ACOXL: variants seen among roughly 807,000 people sequenced by gnomAD.
ACOXL encodes the protein acyl-CoA oxidase like, also known as acyl-coenzyme A oxidase-like protein.
ACOXL carries 70 observed loss-of-function variants against 71.9 expected under a neutral mutation model. The observed-to-expected ratio is 0.97, with a 90% CI of 0.80 to 1.19. The LOEUF is 1.19. Ranked by LOEUF, ACOXL falls within the 50% of genes most tolerant of loss-of-function variation. The pLI is 0.00. For missense variants in ACOXL, 703 were observed against 736.3 expected (o/e 0.95, Z 0.52); for synonymous variants, 253 against 281.6 (o/e 0.90, Z 1.02).
chr2:110,744,671 A>G (rs1677974908), intron 1 of ACOXL, among the ~76,000 whole-genome samples: 2 of 152,232 alleles, frequency 1.3e-5, no homozygotes, highest in South Asian at 2.1e-4. Context: ...CCATTCAGGC[A>G]TAGCCACCGT....
chr2:110,957,844 G>A (rs1256649309), intron 12 of ACOXL, among the ~76,000 whole-genome samples: 1 of 151,964 alleles, frequency 6.6e-6, no homozygotes, highest in African/African-American at 2.4e-5. Flanking sequence ...ATCACCTGAG[G>A]TGAGGAGTTC....
chr2:110,804,825 G>A (rs1307117346), intron 8 of ACOXL, among the ~76,000 whole-genome samples: 2 of 152,124 alleles, frequency 1.3e-5, no homozygotes, highest in Non-Finnish European at 2.9e-5. Flanking sequence ...CCAGGGACTG[G>A]AGGGAGGGGA....
At chr2:111,112,950 G>C (rs1198303064) in intron 17 of ACOXL, 3 of 152,214 alleles carry the variant, frequency 2.0e-5, no homozygotes, top group African/African-American at 4.8e-5. Context: ...CAACATCATA[G>C]AGTACTCCTG....
At chr2:110,862,102 G>A (rs555901619) in intron 10 of ACOXL, among the ~76,000 whole-genome samples, 13 of 152,222 alleles carry the variant, frequency 8.5e-5, no homozygotes, top group Admixed American at 2.6e-4. Flanking sequence ...TGAGGCCTTC[G>A]AACCGAGAAC....
At position 111,032,764 on chromosome 2, in the gene ACOXL, C is replaced by G. The variant is rs182556953; in HGVS notation, c.1369+1050C>G. On this transcript the variant is annotated intron_variant, in intron 15 of 17. Coordinates refer to ENST00000439055, the MANE Select transcript of ACOXL (RefSeq NM_001142807.4). The stretch of plus-strand genomic sequence containing the variant: ...AGGAACCTAGGAGTGTGCCTGCGTC[C>G]AACACAACCTCCCAGCCTGACCATC... Among the ~76,000 whole-genome samples, 9 of 152,206 alleles carry G rather than the reference C, an allele frequency of 5.9e-5. No individual in the cohort carries two copies. In the East Asian group the frequency reaches 1.7e-3, roughly 29 times the overall value.
chr2:111,116,817 TA>T (rs3833442), intron 17 of ACOXL, among the ~76,000 whole-genome samples: 13,752 of 145,372 alleles, frequency 0.095, 813 homozygotes, highest in African/African-American at 0.16. Flanking sequence ...TTCCTGAAAA[TA>T]AAAAAAAAAA....
chr2:110,791,953 C>G (rs1684701166), intron 3 of ACOXL, among the ~76,000 whole-genome samples: 1 of 152,212 alleles, frequency 6.6e-6, no homozygotes, highest in Non-Finnish European at 1.5e-5. Context: ...CATCTCTCAA[C>G]TCTGCCTCCT....
At chr2:110,971,357 C>T (rs1186513807) in intron 12 of ACOXL, among the ~76,000 whole-genome samples, 1 of 152,194 alleles carries the variant, frequency 6.6e-6, no homozygotes, top group Non-Finnish European at 1.5e-5. Context: ...ACACTATTTT[C>T]CTGGTTGGGA....
chr2:110,912,795 A>AAAG (rs2059691901), intron 11 of ACOXL, among the ~76,000 whole-genome samples: 3 of 152,324 alleles, frequency 2.0e-5, no homozygotes, highest in Admixed American at 2.0e-4. Context: ...TTAAAAAGTC[A>AAAG]CCATCAAGAA....
In ACOXL at chr2:111,117,800, T is replaced by G; in HGVS notation, c.1727T>G (p.Leu576Arg). 1 of 1,549,596 alleles carries G rather than the reference T, an allele frequency of 6.5e-7. No homozygotes were observed. The highest frequency in any genetic ancestry group is 8.7e-7 in the Non-Finnish European group (1 of 1,146,580). Residue 576 changes from leucine (L) to arginine (R), a missense_variant, in exon 18 of 18, where the codon CTG becomes CGG. Leu to Arg is a moderately radical substitution (Grantham distance 102). Transcript: ENST00000439055. ...REEARSRRPK[L>R]GAKL ...GAGGCGCGCTCCCGGCGGCCCAAGC[T>G]GGGAGCCAAGCTCTAACGGGTGTGG...
Position 110,952,765 on chromosome 2 carries a change from A to G in ACOXL, c.1059+19123A>G, listed in dbSNP as rs572181502. On this transcript the variant is annotated intron_variant, in intron 12 of 17. Coordinates refer to ENST00000439055, the MANE Select transcript of ACOXL (RefSeq NM_001142807.4). Reference sequence around the variant, plus strand: ...GCCTGGCCATTACTTATTTTCTTCTACTTTCTTTGGGTTTATTCTCCTGCT... The same window carrying G: ...GCCTGGCCATTACTTATTTTCTTCTGCTTTCTTTGGGTTTATTCTCCTGCT... Among the ~76,000 whole-genome samples, 6 of 152,062 alleles carry G rather than the reference A, an allele frequency of 3.9e-5. No individual in the cohort carries two copies. In the East Asian group the frequency reaches 9.7e-4, roughly 25 times the overall value.
rs995328482 is a variant in ACOXL, at chr2:111,005,363, T to C, written c.1281+9359T>C. Among the ~76,000 whole-genome samples, 6 of 152,304 alleles carry C rather than the reference T, an allele frequency of 3.9e-5. No individual in the cohort carries two copies. In the East Asian group the frequency reaches 9.6e-4, roughly 24 times the overall value. On this transcript the variant is annotated intron_variant, in intron 14 of 17. Transcript: ENST00000439055. The stretch of plus-strand genomic sequence containing the variant: ...TTTGGAAACAACTGCTCTGAGTTAT[T>C]TTTCCTTATTCAGATTTAGAGGTTT...
intron 10 of ACOXL, among the ~76,000 whole-genome samples, chr2:110,877,352 C>T (rs1696055138): frequency 6.6e-6 from 1 of 152,182 alleles, no homozygotes; most frequent in Admixed American, 6.5e-5. Flanking sequence ...CTTCAACAGC[C>T]CCGAATCACC....
chr2:111,094,550 G>A (rs2068706403), intron 17 of ACOXL, among the ~76,000 whole-genome samples: 1 of 151,994 alleles, frequency 6.6e-6, no homozygotes, highest in South Asian at 2.1e-4. Flanking sequence ...AGGAAGGGAG[G>A]GGTTGAACTT....
At chr2:110,933,150 T>G (rs922563175) in intron 11 of ACOXL, among the ~76,000 whole-genome samples, 5 of 152,244 alleles carry the variant, frequency 3.3e-5, no homozygotes, top group Non-Finnish European at 5.9e-5. Context: ...AATTAAATAG[T>G]ACTGTTTAAA....
intron 12 of ACOXL, among the ~76,000 whole-genome samples, chr2:110,936,191 T>G (rs939039563): frequency 7.2e-5 from 11 of 152,134 alleles, no homozygotes; most frequent in African/African-American, 2.7e-4. Context: ...CTCCACAGAT[T>G]AAGGCCTCAG....
At chr2:110,969,776 A>T (rs1252476607) in intron 12 of ACOXL, among the ~76,000 whole-genome samples, 1 of 151,668 alleles carries the variant, frequency 6.6e-6, no homozygotes, top group Non-Finnish European at 1.5e-5. Context: ...GTGCCACTGC[A>T]TTCCAGCCTG....
Position 110,784,742 on chromosome 2 carries a change from CAA to C in ACOXL, c.88_89del (p.Lys30GlufsTer42). 1 of 1,601,692 alleles carries C rather than the reference CAA, an allele frequency of 6.2e-7. No homozygotes were observed. Among genetic ancestry groups the C allele is most frequent in the Non-Finnish European group, 8.5e-7 (1 of 1,175,036 alleles). The stretch of plus-strand genomic sequence containing the variant: ...CTATCATATTTTCAGGCAGAGAAAA[CAA>C]AGAATTTTGTCAGCCGAAGCCTTGT... On this transcript the variant is annotated frameshift_variant, in exon 3 of 18. Coordinates refer to ENST00000439055, the MANE Select transcript of ACOXL (RefSeq NM_001142807.4). LOFTEE classifies it high-confidence loss of function.
intron 12 of ACOXL, among the ~76,000 whole-genome samples, chr2:110,962,892 G>A (rs1395023924): frequency 1.3e-5 from 2 of 152,180 alleles, no homozygotes; most frequent in African/African-American, 4.8e-5. Context: ...GATATTTCAT[G>A]GGGAAAACAA....
Sources: gnomAD v4.1 joint callset for allele counts (sites outside exome capture counted in the v4.1 genomes callset) on GRCh38, gnomAD v4.1.1 for gene constraint, MANE v1.5 for transcripts, NCBI Gene and HGNC (gene_info 2026-07-23, HGNC 2026-07-21) for gene names.